Variants in DCDC1 observed in about 807,000 individuals in gnomAD.
DCDC1 encodes the protein doublecortin domain-containing protein 1.
Under a neutral mutation model 178.3 loss-of-function variants are expected in DCDC1, and 200 were observed. The observed-to-expected ratio is 1.12, with a 90% CI of 1.00 to 1.26. DCDC1 has a LOEUF of 1.26. DCDC1 is among the 50% of genes most tolerant of loss of function. The pLI, the probability that DCDC1 is intolerant of heterozygous loss-of-function variation, is 0.00. For missense variants in DCDC1, 1,983 were observed against 1,749.2 expected, an observed-to-expected ratio of 1.13 and a Z score of -2.38; for synonymous variants, 690 against 604.8, an observed-to-expected ratio of 1.14 and a Z score of -2.07.
At chr11:31,341,329 G>A (rs188361408) in intron 1 of DCDC1, among the ~76,000 whole-genome samples, 8 of 152,140 alleles carry the variant, frequency 5.3e-5, no homozygotes, top group African/African-American at 1.2e-4. Context: ...TTCACCCTGC[G>A]AGTAGAATCT....
intron 26 of DCDC1, among the ~76,000 whole-genome samples, chr11:30,916,170 C>T (rs957448217): frequency 2.0e-5 from 3 of 152,124 alleles, no homozygotes; most frequent in Admixed American, 1.3e-4. Context: ...TTTAACTCAC[C>T]TCTAACAAGT....
chr11:31,263,076 G>A lies in DCDC1; in HGVS notation c.1054+2431C>T, dbSNP rs199802073. ...CACGTCTCAGAGTCAGTGCTTTCCT[G>A]TTTTGATAAGTAATTCTGTTATACC... On this transcript the variant is annotated intron_variant, in intron 8 of 38. Coordinates refer to ENST00000684477, the MANE Select transcript of DCDC1 (RefSeq NM_001387274.1). 566 of 1,612,344 alleles carry A rather than the reference G, an allele frequency of 3.5e-4. No individual in the cohort carries two copies. The highest frequency in any genetic ancestry group is 4.4e-4 in the Non-Finnish European group (523 of 1,179,254).
intron 31 of DCDC1, chr11:30,904,736 A>G: frequency 1.7e-6 from 1 of 574,608 alleles, no homozygotes; most frequent in South Asian, 2.2e-5. Flanking sequence ...TCTAGAGCCA[A>G]TCTAAAAACT....
intron 9 of DCDC1, among the ~76,000 whole-genome samples, chr11:31,174,330 G>A (rs1265495891): frequency 6.6e-6 from 1 of 152,218 alleles, no homozygotes; most frequent in Admixed American, 6.5e-5. Flanking sequence ...CAACCTGGCT[G>A]GGTGTGCACA....
In DCDC1 at chr11:30,936,091, A is replaced by C. The variant is rs1364479702; in HGVS notation, c.2716-4139T>G. Among the ~76,000 whole-genome samples the C allele has an allele frequency of 2.6e-5, 4 of 152,242 alleles. No homozygotes were observed. In the East Asian group the frequency reaches 5.8e-4, roughly 22 times the overall value. On this transcript the variant is annotated intron_variant, in intron 21 of 38. Coordinates refer to ENST00000684477, the MANE Select transcript of DCDC1 (RefSeq NM_001387274.1). ...TCCAAGTCTTAATCAGCACCAAGTC[A>C]CCAGGCTGGAAGTGGTGAACCATGA... is the stretch of plus-strand genomic sequence containing the variant.
At chr11:30,959,822 A>T (rs1272928589) in intron 20 of DCDC1, among the ~76,000 whole-genome samples, 6 of 152,144 alleles carry the variant, frequency 3.9e-5, no homozygotes, top group Non-Finnish European at 1.5e-5. Flanking sequence ...GGGTCCTACA[A>T]ACCTGGATGA....
intron 20 of DCDC1, among the ~76,000 whole-genome samples, chr11:31,028,236 C>T (rs1451386792): frequency 6.6e-6 from 1 of 151,812 alleles, no homozygotes; most frequent in Non-Finnish European, 1.5e-5. Context: ...AATACAAATG[C>T]ATAAAACCAT....
chr11:30,882,136 A>G (rs1453314115), intron 36 of DCDC1: 1 of 152,696 alleles, frequency 6.5e-6, no homozygotes, highest in Non-Finnish European at 1.5e-5. Context: ...ATCACCATCA[A>G]TACTTCTGTT....
At chr11:31,183,383 TA>T (rs1969079982) in intron 9 of DCDC1, among the ~76,000 whole-genome samples, 2 of 152,126 alleles carry the variant, frequency 1.3e-5, no homozygotes, top group South Asian at 4.1e-4. Context: ...ATGGAAATCA[TA>T]ACAAACAGTC....
At chr11:31,294,766 GAGAA>G (rs1185647162) in intron 6 of DCDC1, among the ~76,000 whole-genome samples, 12 of 145,488 alleles carry the variant, frequency 8.2e-5, no homozygotes, top group Middle Eastern at 3.5e-3. Flanking sequence ...GAAATAGAAA[GAGAA>G]AGAAAGAGAA....
intron 7 of DCDC1, among the ~76,000 whole-genome samples, chr11:31,289,828 G>T (rs1203115078): frequency 6.6e-6 from 1 of 151,900 alleles, no homozygotes. Context: ...GAGGCTCAGG[G>T]AAACAAAGGT....
intron 9 of DCDC1, among the ~76,000 whole-genome samples, chr11:31,233,197 C>T (rs1238663534): frequency 6.6e-6 from 1 of 152,118 alleles, no homozygotes; most frequent in African/African-American, 2.4e-5. Context: ...ATTATGCAGC[C>T]TTTAAAATTC....
intron 1 of DCDC1, among the ~76,000 whole-genome samples, chr11:31,337,417 C>G (rs1448933226): frequency 6.6e-6 from 1 of 152,194 alleles, no homozygotes; most frequent in Non-Finnish European, 1.5e-5. Flanking sequence ...GCCTGTAATC[C>G]CGACACTGTG....
chr11:30,947,502 A>G (rs189359182), intron 21 of DCDC1, among the ~76,000 whole-genome samples: 40 of 152,292 alleles, frequency 2.6e-4, no homozygotes, highest in Admixed American at 1.2e-3. Flanking sequence ...GGGAAAATGG[A>G]TATCCGTATA....
At chr11:30,962,780 C>T (rs1393649905) in intron 20 of DCDC1, among the ~76,000 whole-genome samples, 1 of 152,044 alleles carries the variant, frequency 6.6e-6, no homozygotes, top group Non-Finnish European at 1.5e-5. Context: ...GTTGGTTGAG[C>T]TTCCTGGTTA....
chr11:31,174,347 G>T (rs972573513), intron 9 of DCDC1, among the ~76,000 whole-genome samples: 2 of 152,194 alleles, frequency 1.3e-5, no homozygotes, highest in Non-Finnish European at 2.9e-5. Context: ...CACATGCTCA[G>T]AGCAATGCTG....
At chr11:30,999,126 A>G (rs995561868) in intron 20 of DCDC1, among the ~76,000 whole-genome samples, 2 of 152,200 alleles carry the variant, frequency 1.3e-5, no homozygotes, top group African/African-American at 4.8e-5. Flanking sequence ...ATTTTGGGAA[A>G]CTGTCATAGA....
intron 20 of DCDC1, among the ~76,000 whole-genome samples, chr11:30,962,492 G>A (rs991657164): frequency 1.3e-5 from 2 of 151,866 alleles, no homozygotes; most frequent in Non-Finnish European, 2.9e-5. Context: ...ACACTGAAAA[G>A]AATATTTATT....
intron 8 of DCDC1, among the ~76,000 whole-genome samples, chr11:31,253,206 A>C (rs1052934731): frequency 6.6e-6 from 1 of 152,184 alleles, no homozygotes; most frequent in Non-Finnish European, 1.5e-5. Context: ...AATTCTAATT[A>C]ATTCATTCAC....
Sources: allele counts gnomAD v4.1 joint callset (sites outside exome capture counted in the v4.1 genomes callset), GRCh38; gene constraint gnomAD v4.1.1; transcripts MANE v1.5; gene names NCBI Gene and HGNC (gene_info 2026-07-23, HGNC 2026-07-21).